The following BDNF variants were observed in gnomAD, a reference collection of about 807,000 sequenced individuals.
BDNF encodes brain derived neurotrophic factor.
A neutral mutation model predicts 19.5 loss-of-function variants in BDNF; 1 was observed. That is an observed-to-expected ratio of 0.05 (90% confidence interval 0.02 to 0.24). BDNF has a LOEUF of 0.24. BDNF is among the 10% of genes least tolerant of loss of function. The probability of loss-of-function intolerance (pLI) is 1.00; values close to 1 mark genes in which losing one functional copy is unlikely to be tolerated. For missense variants in BDNF, 195 were observed against 317.6 expected (o/e 0.61, Z 2.93); for synonymous variants, 100 against 121.6 (o/e 0.82, Z 1.17).
intron 1 of BDNF, among the ~76,000 whole-genome samples, chr11:27,716,594 G>A (rs1360951003): frequency 6.6e-6 from 1 of 152,150 alleles, no homozygotes; most frequent in Non-Finnish European, 1.5e-5. Flanking sequence ...ATTATCCATA[G>A]AGTGAAAAGA....
At chr11:27,699,308 C>T (rs1255630606) in intron 1 of BDNF, 1 of 1,588,264 alleles carries the variant, frequency 6.3e-7, no homozygotes. Context: ...AGTCTGTAAT[C>T]TCCCCTTCTT....
chr11:27,689,477 C>T (rs1857962344), intron 1 of BDNF, among the ~76,000 whole-genome samples: 1 of 152,202 alleles, frequency 6.6e-6, no homozygotes, highest in Non-Finnish European at 1.5e-5. Context: ...AGTGTGCAAT[C>T]TTGTCTACAT....
At chr11:27,691,631 C>A (rs1858311028) in intron 1 of BDNF, among the ~76,000 whole-genome samples, 1 of 152,146 alleles carries the variant, frequency 6.6e-6, no homozygotes, top group African/African-American at 2.4e-5. Context: ...AGAATAAGTA[C>A]TCATTCATAC....
intron 1 of BDNF, chr11:27,674,716 C>T (rs1855857616): frequency 1.0e-6 from 1 of 984,950 alleles, no homozygotes; most frequent in Non-Finnish European, 1.2e-6. Flanking sequence ...TGTTTATCTC[C>T]ACCCGTTTTC....
chr11:27,699,222 C>G (rs1314425557), intron 1 of BDNF, among the ~76,000 whole-genome samples: 1 of 151,850 alleles, frequency 6.6e-6, no homozygotes. Context: ...CATCCCCGCT[C>G]TACCCCCAAC....
At chr11:27,662,946 T>C (rs1006394492) in intron 1 of BDNF, among the ~76,000 whole-genome samples, 1 of 152,226 alleles carries the variant, frequency 6.6e-6, no homozygotes, top group Admixed American at 6.5e-5. Flanking sequence ...ACTTGAATAA[T>C]TAAAAAGCAG....
At chr11:27,720,710 CCCGG>C (rs1860715103) in intron 1 of BDNF, 1 of 985,798 alleles carries the variant, frequency 1.0e-6, no homozygotes, top group Non-Finnish European at 1.2e-6. Context: ...ACTCCTATCG[CCCGG>C]ATTACACACC....
At chr11:27,683,019 C>A (rs1476990928) in intron 1 of BDNF, among the ~76,000 whole-genome samples, 2 of 152,144 alleles carry the variant, frequency 1.3e-5, no homozygotes, top group African/African-American at 4.8e-5. Context: ...ATTTACACTC[C>A]CACCAACAGT....
rs1380296775 is a variant in BDNF, at chr11:27,659,178, C to T, written c.-21-593G>A. ...TTTTTCCTCTTCCCACAGAGATACT[C>T]TATTATAGCAAAGAAGAAAGATAAT... On this transcript the variant is annotated intron_variant, in intron 1 of 1. Transcript: ENST00000356660. The T allele has an allele frequency of 4.0e-6, 4 of 1,000,090 alleles. No individual in the cohort carries two copies. In the East Asian group the frequency reaches 4.5e-4, roughly 113 times the overall value. The allele number at this position is 1,000,090 out of a possible 1,614,324, so 62.0% of individuals were successfully genotyped here.
At chr11:27,672,525 A>AC (rs1855530900) in intron 1 of BDNF, among the ~76,000 whole-genome samples, 2 of 152,190 alleles carry the variant, frequency 1.3e-5, no homozygotes, top group Non-Finnish European at 2.9e-5. Flanking sequence ...TTGTCCTGAA[A>AC]CCAACAGATC....
intron 1 of BDNF, among the ~76,000 whole-genome samples, chr11:27,682,388 ATTTCT>A (rs998076960): frequency 6.8e-6 from 1 of 146,380 alleles, no homozygotes; most frequent in African/African-American, 2.5e-5. Context: ...ATTTTATTGT[ATTTCT>A]TTTATTATTA....
At chr11:27,710,273 A>G (rs1860272294) in intron 1 of BDNF, among the ~76,000 whole-genome samples, 1 of 152,222 alleles carries the variant, frequency 6.6e-6, no homozygotes, top group Non-Finnish European at 1.5e-5. Flanking sequence ...ACATACCAGT[A>G]TGCATCCAAT....
intron 1 of BDNF, among the ~76,000 whole-genome samples, chr11:27,669,238 G>A (rs1349288695): frequency 1.3e-5 from 2 of 152,110 alleles, no homozygotes; most frequent in East Asian, 1.9e-4. Context: ...AATAAACTAG[G>A]TATTGATGGG....
Position 27,656,756 on chromosome 11 carries a change from ACTC to A in BDNF, c.*1062_*1064del. 1 of 983,990 alleles carries A rather than the reference ACTC, an allele frequency of 1.0e-6. No individual in the cohort carries two copies. Among genetic ancestry groups the A allele is most frequent in the Non-Finnish European group, 1.2e-6 (1 of 829,594 alleles). 61.0% of individuals were successfully genotyped at this position (983,990 alleles called of 1,614,324 possible). On this transcript the variant is annotated 3_prime_UTR_variant, in exon 2 of 2. Transcript: ENST00000356660. ...TTAGCCATGATTTACCCAAATGTTCACTCCTCATAAAAAATAATCTTCATTTTG... is the reference window on the plus strand; with the variant it reads ...TTAGCCATGATTTACCCAAATGTTCACTCATAAAAAATAATCTTCATTTTG...
upstream of BDNF, chr11:27,700,568 A>G: frequency 4.8e-6 from 4 of 839,808 alleles, no homozygotes; most frequent in Non-Finnish European, 5.4e-6. Context: ...CGCCCGCGCT[A>G]CCGATACCCG....
chr11:27,682,020 T>C (rs983729516), intron 1 of BDNF, among the ~76,000 whole-genome samples: 6 of 152,254 alleles, frequency 3.9e-5, no homozygotes, highest in Non-Finnish European at 5.9e-5. Flanking sequence ...TTATTTCAAG[T>C]CAGAATAAAA....
chr11:27,714,669 C>G (rs1193714395), intron 1 of BDNF, among the ~76,000 whole-genome samples: 1 of 151,968 alleles, frequency 6.6e-6, no homozygotes, highest in Non-Finnish European at 1.5e-5. Context: ...GCGGTACCCA[C>G]CCAGAATTGT....
upstream of BDNF, chr11:27,700,673 C>T (rs1043607152): frequency 1.5e-5 from 17 of 1,124,132 alleles, no homozygotes; most frequent in African/African-American, 1.7e-5. Context: ...GGCCTGTCCT[C>T]ACCTCCTCCC....
chr11:27,698,455 G>C (rs1261811254), intron 1 of BDNF, among the ~76,000 whole-genome samples: 1 of 152,068 alleles, frequency 6.6e-6, no homozygotes, highest in East Asian at 1.9e-4. Context: ...CATGAGATAA[G>C]CATTGAAGGC....
Sources: gnomAD v4.1 joint callset for allele counts (sites outside exome capture counted in the v4.1 genomes callset) on GRCh38, gnomAD v4.1.1 for gene constraint, MANE v1.5 for transcripts, NCBI Gene and HGNC (gene_info 2026-07-23, HGNC 2026-07-21) for gene names.